Variants in GALNT14 observed in about 807,000 individuals in gnomAD.
The protein encoded by GALNT14 is polypeptide N-acetylgalactosaminyltransferase 14, also known as UDP-GalNAc:polypeptide N-acetylgalactosaminyltransferase 14.
A neutral mutation model predicts 77.5 loss-of-function variants in GALNT14; 60 were observed. The observed-to-expected ratio is 0.77, with a 90% CI of 0.63 to 0.96. The LOEUF (loss-of-function observed/expected upper bound fraction) is 0.96, where lower values mean the gene tolerates loss of function less well. Ranked by LOEUF, GALNT14 falls within the 40% of genes least tolerant of loss-of-function variation. The probability of loss-of-function intolerance (pLI) is 0.00; values close to 1 mark genes in which losing one functional copy is unlikely to be tolerated. For synonymous variants in GALNT14, 280 were observed against 281.7 expected, an observed-to-expected ratio of 0.99 and a Z score of 0.06; for missense variants, 710 against 731.0, an observed-to-expected ratio of 0.97 and a Z score of 0.33.
chr2:31,103,882 G>T (rs552305242), intron 1 of GALNT14, among the ~76,000 whole-genome samples: 1 of 152,230 alleles, frequency 6.6e-6, no homozygotes, highest in East Asian at 1.9e-4. Context: ...TCACTTTGTT[G>T]ACTGAAGTTC....
At chr2:30,919,156 C>G (rs1664882121) in intron 13 of GALNT14, among the ~76,000 whole-genome samples, 1 of 152,090 alleles carries the variant, frequency 6.6e-6, no homozygotes, top group Admixed American at 6.5e-5. Flanking sequence ...TTCTACCTTT[C>G]ACAAATATTT....
At chr2:30,946,355 G>T (rs1027095115) in intron 6 of GALNT14, among the ~76,000 whole-genome samples, 1 of 152,190 alleles carries the variant, frequency 6.6e-6, no homozygotes, top group Non-Finnish European at 1.5e-5. Context: ...CATAAGGGTG[G>T]ATTTCTCATG....
intron 5 of GALNT14, 73 bp downstream of exon 5, chr2:30,955,839 C>T: frequency 1.3e-6 from 2 of 1,586,856 alleles, no homozygotes; most frequent in South Asian, 1.1e-5. Flanking sequence ...ATCACCCCAA[C>T]ACACACACAC....
At chr2:31,132,485 G>T (rs1679042336) in intron 1 of GALNT14, 1 of 250,404 alleles carries the variant, frequency 4.0e-6, no homozygotes. Context: ...AGAAAGCACA[G>T]CACCTTGTAC....
the GALNT14 span, among the ~76,000 whole-genome samples, chr2:30,893,596 A>T: frequency 6.6e-6 from 1 of 152,248 alleles, no homozygotes; most frequent in African/African-American, 2.4e-5. Context: ...TGAAGTCAAT[A>T]GATAATGTCT....
At chr2:31,011,774 C>T (rs185137776) in intron 1 of GALNT14, among the ~76,000 whole-genome samples, 11 of 152,298 alleles carry the variant, frequency 7.2e-5, no homozygotes, top group African/African-American at 2.6e-4. Flanking sequence ...CACCCCATGC[C>T]GAGCACAGTC....
chr2:31,118,226 GAA>G (rs992964783), intron 1 of GALNT14, among the ~76,000 whole-genome samples: 10 of 152,014 alleles, frequency 6.6e-5, no homozygotes, highest in African/African-American at 2.4e-4. Flanking sequence ...ATAAATCGGC[GAA>G]AGTTATTTAA....
intron 1 of GALNT14, among the ~76,000 whole-genome samples, chr2:31,070,143 G>A (rs966478096): frequency 4.6e-5 from 7 of 152,102 alleles, no homozygotes; most frequent in East Asian, 1.9e-4. Context: ...CTCATGGCAG[G>A]GCATACAGTG....
intron 1 of GALNT14, among the ~76,000 whole-genome samples, chr2:31,045,465 GATTTT>G (rs770851524): frequency 9.9e-5 from 15 of 152,174 alleles, no homozygotes; most frequent in Non-Finnish European, 1.6e-4. Context: ...TTCATATGCT[GATTTT>G]ATTTTATTTT....
At chr2:31,094,106 A>C (rs1676887087) in intron 1 of GALNT14, among the ~76,000 whole-genome samples, 1 of 152,236 alleles carries the variant, frequency 6.6e-6, no homozygotes. Context: ...AATAGCCTTA[A>C]CTGATGACAT....
intron 9 of GALNT14, among the ~76,000 whole-genome samples, chr2:30,936,123 T>C (rs917863926): frequency 3.3e-5 from 5 of 152,186 alleles, no homozygotes; most frequent in African/African-American, 1.2e-4. Context: ...GTTATAATCT[T>C]ACTTTCTTTA....
At chr2:30,908,224 G>C (rs1664196699), downstream of GALNT14, among the ~76,000 whole-genome samples, 1 of 151,664 alleles carries the variant, frequency 6.6e-6, no homozygotes, top group Non-Finnish European at 1.5e-5. Context: ...AATCAGGCAG[G>C]AGAAGGAAAT....
intron 1 of GALNT14, among the ~76,000 whole-genome samples, chr2:31,002,838 C>A (rs545858136): frequency 6.6e-6 from 1 of 152,284 alleles, no homozygotes; most frequent in South Asian, 2.1e-4. Context: ...CCCAGCCCTT[C>A]GCTTGCCTGG....
chr2:30,934,495 A>T (rs1665937815), intron 9 of GALNT14, among the ~76,000 whole-genome samples: 1 of 152,126 alleles, frequency 6.6e-6, no homozygotes, highest in Non-Finnish European at 1.5e-5. Flanking sequence ...CTTGTATTCA[A>T]ATGAGACATA....
intron 1 of GALNT14, among the ~76,000 whole-genome samples, chr2:31,042,619 A>G (rs965863543): frequency 3.3e-5 from 5 of 152,072 alleles, no homozygotes; most frequent in Non-Finnish European, 5.9e-5. Context: ...CCATCCATTC[A>G]TCTGTTGAGA....
chr2:30,989,595 T>TATA (rs1431347563), intron 2 of GALNT14, among the ~76,000 whole-genome samples: 15 of 112,790 alleles, frequency 1.3e-4, no homozygotes, highest in Admixed American at 4.4e-4. Context: ...AATATATATA[T>TATA]TAGTAGATAT....
At chr2:30,905,523 A>G (rs142992230), downstream of GALNT14, among the ~76,000 whole-genome samples, 9,927 of 151,920 alleles carry the variant, frequency 0.065, 1,034 homozygotes, top group African/African-American at 0.23. Context: ...AAAGAATAAA[A>G]AGAAATGAGC....
intron 13 of GALNT14, among the ~76,000 whole-genome samples, chr2:30,918,882 G>A (rs1447186441): frequency 6.6e-6 from 1 of 151,758 alleles, no homozygotes. Context: ...CAGGCAGGGA[G>A]GGTGGCATCG....
At position 30,912,281 on chromosome 2, in the gene GALNT14, G is replaced by T. The variant is rs553413687; in HGVS notation, c.1442C>A (p.Thr481Asn). 3.1e-6 allele frequency: 5 copies of T among 1,614,188 alleles called. No individual in the cohort carries two copies. The African/African-American group carries it at 4.0e-5, about 13-fold the overall frequency. Residue 481 changes from threonine to asparagine, a missense_variant, in exon 14 of 15, where the codon ACC (threonine) becomes AAC (asparagine). By Grantham distance (65) the Thr-to-Asn change is moderately conservative (BLOSUM62 0). Transcript: ENST00000349752. ...LQEELCLSVI[T>N]LFPGAPVVLV... is the part of the protein sequence containing the mutation. ...AACCACTGGGGCGCCAGGGAACAAG[G>T]TGATGACTGACAGGCACAGCTCCTC...
Sources: allele counts gnomAD v4.1 joint callset (sites outside exome capture counted in the v4.1 genomes callset), GRCh38; gene constraint gnomAD v4.1.1; transcripts MANE v1.5; gene names NCBI Gene and HGNC (gene_info 2026-07-23, HGNC 2026-07-21).